The following PPARG variants were observed in gnomAD, a reference collection of about 807,000 sequenced individuals.
PPARG encodes peroxisome proliferator activated receptor gamma, also known as peroxisome proliferator-activated receptor gamma.
Under a neutral mutation model 39.2 loss-of-function variants are expected in PPARG, and 17 were observed. That is an observed-to-expected ratio of 0.43 (90% CI 0.30 to 0.65). The LOEUF is 0.65. PPARG is among the 30% of genes least tolerant of loss of function. The probability of loss-of-function intolerance (pLI) is 0.13; values close to 1 mark genes in which losing one functional copy is unlikely to be tolerated. For missense variants in PPARG, 406 were observed against 585.9 expected, an observed-to-expected ratio of 0.69 and a Z score of 3.17; for synonymous variants, 223 against 215.7, an observed-to-expected ratio of 1.03 and a Z score of -0.30.
At chr3:12,369,724 G>C (rs1361976382) in intron 2 of PPARG, among the ~76,000 whole-genome samples, 4 of 152,168 alleles carry the variant, frequency 2.6e-5, no homozygotes, top group Admixed American at 1.3e-4. Flanking sequence ...TTAAGGTTGA[G>C]CCAAGCAGTG....
rs777431784 is a variant in PPARG, at chr3:12,382,209, C to T, written c.390+718C>T. Among the ~76,000 whole-genome samples the T allele has an allele frequency of 2.0e-5, 3 of 152,194 alleles. No homozygotes were observed. In the South Asian group the frequency reaches 6.2e-4, roughly 32 times the overall value. On this transcript the variant is annotated intron_variant, in intron 4 of 7. Coordinates refer to ENST00000651735, the MANE Select transcript of PPARG (RefSeq NM_138711.6). ...CCAGCATCAATGTGAGCCACATACA[C>T]GGACAGGTAAGGAGGTATAACAGTG...
intron 2 of PPARG, among the ~76,000 whole-genome samples, chr3:12,314,613 C>T (rs993155503): frequency 1.3e-5 from 2 of 152,116 alleles, no homozygotes; most frequent in Non-Finnish European, 2.9e-5. Context: ...ATCTGACCCT[C>T]GCCGTTCAAC....
At chr3:12,350,904 A>G (rs1318261851) in intron 2 of PPARG, among the ~76,000 whole-genome samples, 6 of 152,204 alleles carry the variant, frequency 3.9e-5, no homozygotes, top group Non-Finnish European at 8.8e-5. Context: ...ACCCTTCTTC[A>G]TTCTCTCAGC....
chr3:12,417,901 CCTTTTTT>C (rs2051129941), intron 7 of PPARG, among the ~76,000 whole-genome samples: 4 of 46,156 alleles, frequency 8.7e-5, no homozygotes, highest in Non-Finnish European at 1.6e-4. Context: ...TTTTTTTTTT[CCTTTTTT>C]TTTTTTTTTT....
At chr3:12,328,086 C>T (rs956164349) in intron 2 of PPARG, 11 of 1,474,262 alleles carry the variant, frequency 7.5e-6, no homozygotes, top group African/African-American at 2.8e-5. Context: ...ATGAGACTAA[C>T]ATGTATGAAG....
chr3:12,337,710 A>T (rs1015522786), intron 2 of PPARG, among the ~76,000 whole-genome samples: 4 of 152,308 alleles, frequency 2.6e-5, no homozygotes, highest in Non-Finnish European at 4.4e-5. Flanking sequence ...CCCTGCCCCC[A>T]TTCATGGGTT....
chr3:12,403,792 A>G lies in PPARG; in HGVS notation c.530-2090A>G, dbSNP rs1575121393. Among the ~76,000 whole-genome samples the G allele has an allele frequency of 2.0e-5, 3 of 152,362 alleles. No homozygotes were observed. The East Asian group carries it at 5.8e-4, about 29-fold the overall frequency. The stretch of plus-strand genomic sequence containing the variant: ...CTGAGCAAAGTGGTCAGGAGGTCAC[A>G]GAGGATTTTGAAGGAATATGCTATC... On this transcript the variant is annotated intron_variant, in intron 5 of 7. Coordinates refer to ENST00000651735, the MANE Select transcript of PPARG (RefSeq NM_138711.6).
chr3:12,364,220 C>A (rs1293826643), intron 2 of PPARG, among the ~76,000 whole-genome samples: 4 of 152,198 alleles, frequency 2.6e-5, no homozygotes, highest in Non-Finnish European at 5.9e-5. Flanking sequence ...TCATTCCGTT[C>A]TCCCCCAAAC....
intron 2 of PPARG, among the ~76,000 whole-genome samples, chr3:12,331,224 A>T (rs1233454837): frequency 6.6e-6 from 1 of 152,208 alleles, no homozygotes; most frequent in East Asian, 1.9e-4. Flanking sequence ...TAAGGGAGAG[A>T]AATGGCAGTA....
At chr3:12,314,979 T>G (rs780038244) in intron 2 of PPARG, among the ~76,000 whole-genome samples, 11 of 152,216 alleles carry the variant, frequency 7.2e-5, no homozygotes, top group Admixed American at 4.6e-4. Context: ...GCATTCAAAA[T>G]CTGCTCTTCT....
chr3:12,376,280 C>T lies in PPARG; in HGVS notation c.-8-3424C>T, dbSNP rs1184404380. Reference sequence around the variant, plus strand: ...CATTTTTTCTTATGAAGATGACAGCCGAAATCTTCAATCTTCAACTCATGC... The same window carrying T: ...CATTTTTTCTTATGAAGATGACAGCTGAAATCTTCAATCTTCAACTCATGC... On this transcript the variant is annotated intron_variant, in intron 2 of 7. Transcript: ENST00000651735. 2.0e-5 allele frequency among the ~76,000 whole-genome samples: 3 copies of T among 151,944 alleles called. No individual in the cohort carries two copies. The South Asian group carries it at 6.2e-4, about 32-fold the overall frequency.
chr3:12,329,231 G>A (rs2047782843), intron 2 of PPARG, among the ~76,000 whole-genome samples: 1 of 150,190 alleles, frequency 6.7e-6, no homozygotes, highest in East Asian at 1.9e-4. Flanking sequence ...CCTTGATTCT[G>A]ATGTCAATCA....
chr3:12,373,475 G>T (rs1284309416), intron 2 of PPARG, among the ~76,000 whole-genome samples: 1 of 152,094 alleles, frequency 6.6e-6, no homozygotes, highest in African/African-American at 2.4e-5. Context: ...TCGTTAAGGG[G>T]AATGGTTATG....
chr3:12,393,126 A>G (rs773748127), intron 5 of PPARG, among the ~76,000 whole-genome samples: 30 of 152,034 alleles, frequency 2.0e-4, no homozygotes, highest in Non-Finnish European at 3.2e-4. Flanking sequence ...TTTAAATGTA[A>G]GAAAATCCTG....
At chr3:12,355,387 C>T (rs989198522) in intron 2 of PPARG, among the ~76,000 whole-genome samples, 2 of 152,158 alleles carry the variant, frequency 1.3e-5, no homozygotes, top group Non-Finnish European at 2.9e-5. Context: ...TCTCCCGCCT[C>T]GACCTCCCAA....
intron 2 of PPARG, among the ~76,000 whole-genome samples, chr3:12,336,953 GCAAT>G (rs1345840929): frequency 6.6e-6 from 1 of 152,182 alleles, no homozygotes; most frequent in Non-Finnish European, 1.5e-5. Context: ...TTGGAGTTTA[GCAAT>G]CAATCAATCA....
intron 6 of PPARG, among the ~76,000 whole-genome samples, chr3:12,407,184 C>CAA (rs2050702091): frequency 6.6e-6 from 1 of 152,000 alleles, no homozygotes; most frequent in Non-Finnish European, 1.5e-5. Context: ...TGTTTTGAGA[C>CAA]AGAGTCTTGC....
intron 5 of PPARG, among the ~76,000 whole-genome samples, chr3:12,401,251 A>G (rs1355260052): frequency 6.6e-6 from 1 of 152,202 alleles, no homozygotes; most frequent in East Asian, 1.9e-4. Flanking sequence ...GAATTACTTA[A>G]CTAAAAAACA....
intron 5 of PPARG, among the ~76,000 whole-genome samples, chr3:12,399,984 TAAA>T (rs79659234): frequency 7.3e-6 from 1 of 137,726 alleles, no homozygotes; most frequent in African/African-American, 2.7e-5. Context: ...ACCCTGTCTC[TAAA>T]AAAAAAAAAA....
Sources: allele counts gnomAD v4.1 joint callset (sites outside exome capture counted in the v4.1 genomes callset), GRCh38; gene constraint gnomAD v4.1.1; transcripts MANE v1.5; gene names NCBI Gene and HGNC (gene_info 2026-07-23, HGNC 2026-07-21).